The following VAPB variants were observed in gnomAD, a reference collection of about 807,000 sequenced individuals.
VAPB encodes the protein vesicle-associated membrane protein-associated protein B/C.
Under a neutral mutation model 25.6 loss-of-function variants are expected in VAPB, and 7 were observed. The ratio of observed to expected loss-of-function variants is 0.27; its 90% CI spans 0.16 to 0.51. VAPB has a LOEUF of 0.51. Among genes scored for constraint, VAPB ranks in the 20% least tolerant of loss-of-function variants. The probability of loss-of-function intolerance (pLI) is 0.97; values close to 1 mark genes in which losing one functional copy is unlikely to be tolerated. For synonymous variants in VAPB, 112 were observed against 109.2 expected, an observed-to-expected ratio of 1.03 and a Z score of -0.16; for missense variants, 266 against 301.3, an observed-to-expected ratio of 0.88 and a Z score of 0.87.
At position 58,389,262 on chromosome 20, in the gene VAPB, G is replaced by C; in HGVS notation, c.-198G>C. The stretch of plus-strand genomic sequence containing the variant: ...TCAGCTCGCCGGGCACCGCGGCCTC[G>C]CCCTCGCCCTCCGCCCCTGCGCCTG... On this transcript the variant is annotated 5_prime_UTR_variant, in exon 1 of 6. Coordinates refer to ENST00000475243, the MANE Select transcript of VAPB (RefSeq NM_004738.5). 3 of 672,420 alleles carry C rather than the reference G, an allele frequency of 4.5e-6. No homozygotes were observed. The highest frequency in any genetic ancestry group is 2.7e-6 in the Non-Finnish European group (1 of 373,034). The allele number at this position is 672,420 out of a possible 1,614,324, so 41.7% of individuals were successfully genotyped here.
chr20:58,413,325 T>TGG (rs1988426912), intron 1 of VAPB, among the ~76,000 whole-genome samples: 13 of 151,830 alleles, frequency 8.6e-5, no homozygotes, highest in Admixed American at 6.5e-4. Flanking sequence ...CCCTGGGTAC[T>TGG]TGAGATTAGG....
intron 1 of VAPB, among the ~76,000 whole-genome samples, chr20:58,391,533 A>G (rs557833272): frequency 6.6e-6 from 1 of 151,800 alleles, no homozygotes; most frequent in Non-Finnish European, 1.5e-5. Context: ...GGATGCCACT[A>G]GTAGTTTTTT....
chr20:58,399,072 G>T (rs1988032404), intron 1 of VAPB, among the ~76,000 whole-genome samples: 2 of 152,128 alleles, frequency 1.3e-5, no homozygotes, highest in African/African-American at 2.4e-5. Context: ...AGTCTGAGGT[G>T]GGTGGATCAC....
rs959219333 is a variant in VAPB, at chr20:58,445,473, C to G, written c.*1238C>G. 2 of 454,344 alleles carry G rather than the reference C, an allele frequency of 4.4e-6. No individual in the cohort carries two copies. Among genetic ancestry groups the G allele is most frequent in the Non-Finnish European group, 8.8e-6 (2 of 226,730 alleles). The allele number at this position is 454,344 out of a possible 1,614,324, so 28.1% of individuals were successfully genotyped here. A position where few individuals can be genotyped will look rare whatever the true frequency, so the allele number is the denominator to read the frequency against. On this transcript the variant is annotated 3_prime_UTR_variant, in exon 6 of 6. Coordinates refer to ENST00000475243, the MANE Select transcript of VAPB (RefSeq NM_004738.5). ...AGTTTGACTGTGAATTAATTTTATG[C>G]CATAAAAGACCAACCCAGTTCTGTT...
At chr20:58,405,727 C>A (rs1356298762) in intron 1 of VAPB, among the ~76,000 whole-genome samples, 2 of 137,896 alleles carry the variant, frequency 1.5e-5, no homozygotes, top group African/African-American at 5.4e-5. Flanking sequence ...TGAGCCATCA[C>A]GCCTGGCCAG....
At position 58,448,632 on chromosome 20, in the gene VAPB, T is replaced by G. The variant is rs1467109750; in HGVS notation, c.*4397T>G. The G allele has an allele frequency of 2.2e-6, 1 of 454,126 alleles. No homozygotes were observed. Among genetic ancestry groups the G allele is most frequent in the Admixed American group, 2.3e-5 (1 of 42,580 alleles). The allele number at this position is 454,126 out of a possible 1,614,324, so 28.1% of individuals were successfully genotyped here. A position where few individuals can be genotyped will look rare whatever the true frequency, so the allele number is the denominator to read the frequency against. On this transcript the variant is annotated 3_prime_UTR_variant, in exon 6 of 6. Transcript: ENST00000475243. The stretch of plus-strand genomic sequence containing the variant: ...TCAGGGAAGTGAGTGGATGAGGCCT[T>G]CCTGCCTCAGCTACTCTGCCCGTCT...
At chr20:58,427,480 T>A (rs1212079511) in intron 2 of VAPB, among the ~76,000 whole-genome samples, 1 of 152,302 alleles carries the variant, frequency 6.6e-6, no homozygotes, top group Non-Finnish European at 1.5e-5. Flanking sequence ...GTGAAAGTGA[T>A]CCGTGATCTG....
chr20:58,404,684 T>G (rs1198452393), intron 1 of VAPB, among the ~76,000 whole-genome samples: 4 of 152,250 alleles, frequency 2.6e-5, no homozygotes, highest in Admixed American at 6.5e-5. Flanking sequence ...TGTAAAGTGC[T>G]TAGAATAGAT....
rs1989312498 is a variant in VAPB at position 58,447,132 on chromosome 20, C to G, written c.*2897C>G. 2.2e-6 allele frequency: 1 copy of G among 453,992 alleles called. No homozygotes were observed. Among genetic ancestry groups the G allele is most frequent in the South Asian group, 1.6e-5 (1 of 64,484 alleles). The allele number at this position is 453,992 out of a possible 1,614,324, so 28.1% of individuals were successfully genotyped here. ...CCACAGCACCTCAGAGAGGGCGGCC[C>G]TGGCTTCAGAAATGCCAGCCATAGT... On this transcript the variant is annotated 3_prime_UTR_variant, in exon 6 of 6. Transcript: ENST00000475243.
chr20:58,391,025 A>G (rs187603115), intron 1 of VAPB, among the ~76,000 whole-genome samples: 4 of 152,346 alleles, frequency 2.6e-5, no homozygotes, highest in African/African-American at 9.6e-5. Context: ...TTGAGCTTTC[A>G]TGATGTTCTC....
At chr20:58,432,459 C>T (rs1988948734) in intron 2 of VAPB, 1 of 151,986 alleles carries the variant, frequency 6.6e-6, no homozygotes, top group Admixed American at 6.6e-5. Flanking sequence ...TGCCAAAAAT[C>T]TAAGAGTAGT....
At chr20:58,421,243 A>G (rs536317870) in intron 2 of VAPB, among the ~76,000 whole-genome samples, 1 of 152,314 alleles carries the variant, frequency 6.6e-6, no homozygotes, top group African/African-American at 2.4e-5. Flanking sequence ...GAATATATAC[A>G]AATACTGCAG....
chr20:58,389,550 C>G, intron 1 of VAPB, 33 bp downstream of exon 1: 1 of 1,552,398 alleles, frequency 6.4e-7, no homozygotes, highest in African/African-American at 1.4e-5. Context: ...TTCCTGCCCG[C>G]GGCCTCCGCC....
chr20:58,392,129 A>G (rs929794232), intron 1 of VAPB, among the ~76,000 whole-genome samples: 1 of 152,214 alleles, frequency 6.6e-6, no homozygotes, highest in Admixed American at 6.5e-5. Flanking sequence ...ACCTTAGGCC[A>G]CTTCACTCCT....
At chr20:58,398,648 C>T (rs1162270010) in intron 1 of VAPB, among the ~76,000 whole-genome samples, 1 of 152,198 alleles carries the variant, frequency 6.6e-6, no homozygotes, top group Non-Finnish European at 1.5e-5. Flanking sequence ...TGTTCGATCT[C>T]ACAGGGAAGA....
chr20:58,414,514 G>C (rs573749576), intron 1 of VAPB, among the ~76,000 whole-genome samples: 24 of 151,722 alleles, frequency 1.6e-4, no homozygotes, highest in Non-Finnish European at 1.9e-4. Context: ...CAGACGGGGC[G>C]GTGGGGCAGA....
chr20:58,390,975 C>G (rs976569636), intron 1 of VAPB, among the ~76,000 whole-genome samples: 2 of 152,120 alleles, frequency 1.3e-5, no homozygotes, highest in Non-Finnish European at 2.9e-5. Flanking sequence ...ACCGAAAAAC[C>G]CCACCAAACC....
intron 1 of VAPB, among the ~76,000 whole-genome samples, chr20:58,397,532 A>C (rs558204434): frequency 6.6e-6 from 1 of 151,964 alleles, no homozygotes; most frequent in East Asian, 1.9e-4. Context: ...AAAAAAAAAA[A>C]AACAAAACAC....
chr20:58,412,576 CAAAA>C (rs375713162), intron 1 of VAPB, among the ~76,000 whole-genome samples: 1 of 90,788 alleles, frequency 1.1e-5, no homozygotes, highest in Non-Finnish European at 2.1e-5. Flanking sequence ...GACTCTGTCT[CAAAA>C]AAAAAAAAAA....
Sources: allele counts gnomAD v4.1 joint callset (sites outside exome capture counted in the v4.1 genomes callset), GRCh38; gene constraint gnomAD v4.1.1; transcripts MANE v1.5; gene names NCBI Gene and HGNC (gene_info 2026-07-23, HGNC 2026-07-21).